CHCHD6: variants seen among roughly 807,000 people sequenced by gnomAD.
The protein encoded by CHCHD6 is coiled-coil-helix-coiled-coil-helix domain containing 6, also known as MICOS complex subunit MIC25.
In CHCHD6, 28 loss-of-function variants were observed where a neutral mutation model predicts 32.3. The observed-to-expected ratio is 0.87, with a 90% CI of 0.64 to 1.19. The LOEUF is 1.19. Among genes scored for constraint, CHCHD6 ranks in the 50% most tolerant of loss-of-function variants. The pLI, the probability that CHCHD6 is intolerant of heterozygous loss-of-function variation, is 0.00. For synonymous variants in CHCHD6, 122 were observed against 117.5 expected (o/e 1.04, Z -0.25); for missense variants, 333 against 307.0 (o/e 1.08, Z -0.63).
intron 4 of CHCHD6, among the ~76,000 whole-genome samples, chr3:126,839,182 G>C (rs1475296947): frequency 2.0e-5 from 3 of 152,176 alleles, no homozygotes; most frequent in South Asian, 2.1e-4. Context: ...GAGCCACTGT[G>C]CCTGGCCATT....
intron 3 of CHCHD6, 90 bp from the exon 4 acceptor site, chr3:126,732,988 T>C: frequency 7.0e-7 from 1 of 1,425,200 alleles, no homozygotes; most frequent in African/African-American, 1.4e-5. Context: ...ATTTCCCTGG[T>C]GGCTGAAGTG....
intron 1 of CHCHD6, among the ~76,000 whole-genome samples, chr3:126,725,475 T>C (rs1935488376): frequency 6.6e-6 from 1 of 152,252 alleles, no homozygotes; most frequent in Non-Finnish European, 1.5e-5. Flanking sequence ...GCAGAGTAGA[T>C]TGAATATCAT....
In CHCHD6 at chr3:126,914,779, A is replaced by G. The variant is rs1327964303; in HGVS notation, c.566+29A>G. ...AGAATTTGTTTATTATTCTTTGTAAACTTGGCCCACAATTGTAAAAATTCC... is the reference window on the plus strand; with the variant it reads ...AGAATTTGTTTATTATTCTTTGTAAGCTTGGCCCACAATTGTAAAAATTCC... On this transcript the variant is annotated intron_variant, in intron 6 of 7. Transcript: ENST00000290913. 4 of 1,330,340 alleles carry G rather than the reference A, an allele frequency of 3.0e-6. No individual in the cohort carries two copies. In the African/African-American group the frequency reaches 5.8e-5, roughly 19 times the overall value. 82.4% of individuals were successfully genotyped at this position (1,330,340 alleles called of 1,614,324 possible). A position where few individuals can be genotyped will look rare whatever the true frequency, so the allele number is the denominator to read the frequency against.
intron 7 of CHCHD6, chr3:126,958,062 A>T (rs1481658999): frequency 1.6e-5 from 3 of 192,144 alleles, no homozygotes; most frequent in Non-Finnish European, 3.3e-5. Flanking sequence ...GAGTGGTCCC[A>T]AGCCTCATGT....
chr3:126,838,638 A>T (rs75334467), intron 4 of CHCHD6, among the ~76,000 whole-genome samples: 3,969 of 152,306 alleles, frequency 0.026, 81 homozygotes, highest in Middle Eastern at 0.044. Context: ...ATTCTTGGTG[A>T]TAGTTTCTTC....
intron 4 of CHCHD6, among the ~76,000 whole-genome samples, chr3:126,810,861 A>C (rs1939625274): frequency 6.6e-6 from 1 of 152,170 alleles, no homozygotes; most frequent in Non-Finnish European, 1.5e-5. Context: ...GAGGAAGAAC[A>C]GGTTGTGGGG....
At chr3:126,953,183 A>T in intron 6 of CHCHD6, 1 of 969,862 alleles carries the variant, frequency 1.0e-6, no homozygotes, top group Non-Finnish European at 1.2e-6. Flanking sequence ...GCCTTGCCCC[A>T]GGTTTGTCTG....
intron 7 of CHCHD6, among the ~76,000 whole-genome samples, chr3:126,959,603 A>G (rs1172853350): frequency 6.6e-6 from 1 of 152,202 alleles, no homozygotes; most frequent in Non-Finnish European, 1.5e-5. Flanking sequence ...GTGGGGCAGC[A>G]CTGCTTCTCT....
rs536788222 is a variant in CHCHD6 at position 126,828,601 on chromosome 3, C to T, written c.412-24046C>T. Among the ~76,000 whole-genome samples, 118 of 152,310 alleles carry T rather than the reference C, an allele frequency of 7.7e-4. 2 individuals are homozygous for T. The highest frequency in any genetic ancestry group is 2.7e-3 in the African/African-American group (114 of 41,566). ...GGGACAGGACACCAGTGGTTTATCT[C>T]TGGGGCCTCTGCTTATGATTGCCCT... is the stretch of plus-strand genomic sequence containing the variant. On this transcript the variant is annotated intron_variant, in intron 4 of 7. Transcript: ENST00000290913.
chr3:126,739,971 G>A (rs1013985479), intron 4 of CHCHD6, among the ~76,000 whole-genome samples: 3 of 152,212 alleles, frequency 2.0e-5, no homozygotes, highest in Non-Finnish European at 4.4e-5. Context: ...GAGGAAAATA[G>A]TGTTTATGCC....
At chr3:126,902,115 T>C (rs1239214979) in intron 5 of CHCHD6, among the ~76,000 whole-genome samples, 1 of 152,242 alleles carries the variant, frequency 6.6e-6, no homozygotes, top group Non-Finnish European at 1.5e-5. Context: ...ATTCTCAACA[T>C]GAGCTGCACA....
intron 5 of CHCHD6, among the ~76,000 whole-genome samples, chr3:126,864,975 C>T (rs1942214291): frequency 6.7e-6 from 1 of 148,394 alleles, no homozygotes; most frequent in African/African-American, 2.5e-5. Flanking sequence ...CCACCTCCAT[C>T]ATCACCACTA....
At chr3:126,833,169 G>A (rs1255270293) in intron 4 of CHCHD6, among the ~76,000 whole-genome samples, 1 of 152,158 alleles carries the variant, frequency 6.6e-6, no homozygotes, top group Non-Finnish European at 1.5e-5. Context: ...TCATACATAT[G>A]TCTCTCAGCG....
At chr3:126,900,582 A>AGGAC (rs1283339248) in intron 5 of CHCHD6, among the ~76,000 whole-genome samples, 1 of 147,712 alleles carries the variant, frequency 6.8e-6, no homozygotes, top group Non-Finnish European at 1.5e-5. Context: ...GCAAGAGAGA[A>AGGAC]GGACGGGAGG....
At chr3:126,865,479 TC>T (rs1942260334) in intron 5 of CHCHD6, 1 of 749,806 alleles carries the variant, frequency 1.3e-6, no homozygotes. Context: ...TTTCATCAAC[TC>T]CATCACCAAC....
chr3:126,960,023 T>C (rs565285752), intron 7 of CHCHD6, among the ~76,000 whole-genome samples, 173 bp from the exon 8 acceptor site: 2 of 152,272 alleles, frequency 1.3e-5, no homozygotes, highest in East Asian at 3.9e-4. Context: ...GGGACTGTGC[T>C]GGGCTCCGGG....
intron 1 of CHCHD6, among the ~76,000 whole-genome samples, chr3:126,714,809 T>C (rs1934933174): frequency 6.6e-6 from 1 of 152,146 alleles, no homozygotes; most frequent in Non-Finnish European, 1.5e-5. Context: ...GCTGACCCAC[T>C]GTATAACTTT....
At chr3:126,795,216 G>T (rs999968845) in intron 4 of CHCHD6, among the ~76,000 whole-genome samples, 27 of 152,296 alleles carry the variant, frequency 1.8e-4, no homozygotes, top group African/African-American at 6.0e-4. Flanking sequence ...GCAGACCTCA[G>T]TGTGAATCCC....
chr3:126,769,081 CT>C (rs1937491490), intron 4 of CHCHD6, among the ~76,000 whole-genome samples: 1 of 152,068 alleles, frequency 6.6e-6, no homozygotes, highest in Non-Finnish European at 1.5e-5. Flanking sequence ...GTTGCAATTG[CT>C]TTTGGTGTCT....
Sources: gnomAD v4.1 joint callset for allele counts (sites outside exome capture counted in the v4.1 genomes callset) on GRCh38, gnomAD v4.1.1 for gene constraint, MANE v1.5 for transcripts, NCBI Gene and HGNC (gene_info 2026-07-23, HGNC 2026-07-21) for gene names.